The following MCC variants were observed in gnomAD, a reference collection of about 807,000 sequenced individuals.
MCC encodes MCC regulator of Wnt signaling pathway, also known as colorectal mutant cancer protein.
MCC carries 90 observed loss-of-function variants against 116.2 expected under a neutral mutation model. The ratio of observed to expected loss-of-function variants is 0.77; its 90% CI spans 0.65 to 0.92. MCC has a LOEUF of 0.92. Among genes scored for constraint, MCC ranks in the 40% least tolerant of loss-of-function variants. The probability of loss-of-function intolerance (pLI) is 0.00; values close to 1 mark genes in which losing one functional copy is unlikely to be tolerated. For synonymous variants in MCC, 578 were observed against 510.5 expected, an observed-to-expected ratio of 1.13 and a Z score of -1.78; for missense variants, 1,516 against 1,312.2, an observed-to-expected ratio of 1.16 and a Z score of -2.40.
intron 11 of MCC, among the ~76,000 whole-genome samples, chr5:113,072,282 G>T (rs1229255155): frequency 6.6e-6 from 1 of 152,210 alleles, no homozygotes; most frequent in Non-Finnish European, 1.5e-5. Flanking sequence ...GCCAACATGG[G>T]AGACATCTGG....
intron 1 of MCC, among the ~76,000 whole-genome samples, chr5:113,473,540 C>A (rs1281185940): frequency 6.6e-6 from 1 of 151,918 alleles, no homozygotes. Context: ...AAAACAAAAA[C>A]AAAAACAAAA....
intron 3 of MCC, among the ~76,000 whole-genome samples, chr5:113,257,471 C>T (rs774300341): frequency 3.3e-5 from 5 of 152,080 alleles, no homozygotes; most frequent in South Asian, 2.1e-4. Context: ...AGGGAGCAAT[C>T]ATTCAACAGA....
Position 113,333,834 on chromosome 5 carries a change from T to TGTACATATAC in MCC, c.627+6684_627+6685insGTATATGTAC, listed in dbSNP as rs1491246839. 2.9e-4 allele frequency among the ~76,000 whole-genome samples: 26 copies of TGTACATATAC among 90,590 alleles called. 2 individuals carry two copies. Among genetic ancestry groups the TGTACATATAC allele is most frequent in the African/African-American group, 4.0e-4 (10 of 24,744 alleles). 59.4% of individuals were successfully genotyped at this position (90,590 alleles called of 152,430 possible). On this transcript the variant is annotated intron_variant, in intron 3 of 18. Transcript: ENST00000408903. ...GTATATATGTACATATATGTATATA[T>TGTACATATAC]GTATATATGTATATATGTACATATA...
At chr5:113,453,966 C>T (rs573297727) in intron 1 of MCC, among the ~76,000 whole-genome samples, 6 of 152,130 alleles carry the variant, frequency 3.9e-5, no homozygotes, top group East Asian at 1.9e-4. Flanking sequence ...CAAAATTAGC[C>T]GGGTGTGATG....
chr5:113,204,942 G>A (rs1342642487), intron 3 of MCC, among the ~76,000 whole-genome samples: 1 of 152,172 alleles, frequency 6.6e-6, no homozygotes, highest in Non-Finnish European at 1.5e-5. Flanking sequence ...GTGGAACCCT[G>A]CAGTAACTCC....
chr5:113,224,587 G>T (rs1278201564), intron 3 of MCC, among the ~76,000 whole-genome samples: 1 of 152,088 alleles, frequency 6.6e-6, no homozygotes, highest in African/African-American at 2.4e-5. Flanking sequence ...GACTTTAAAG[G>T]CTCCCAGACT....
Position 113,313,505 on chromosome 5 carries a change from G to A in MCC, c.627+27014C>T, listed in dbSNP as rs888430223. ...TGTCATATCTGATAGCGGTGGTTGG[G>A]GAGGAAGGAGGGTTGGAGATATGAT... is the stretch of plus-strand genomic sequence containing the variant. On this transcript the variant is annotated intron_variant, in intron 3 of 18. Coordinates refer to ENST00000408903, the MANE Select transcript of MCC (RefSeq NM_001085377.2). 9.9e-5 allele frequency among the ~76,000 whole-genome samples: 15 copies of A among 152,130 alleles called. 1 individual carries two copies. Among genetic ancestry groups the A allele is most frequent in the African/African-American group, 3.6e-4 (15 of 41,444 alleles).
chr5:113,063,992 G>T lies in MCC; in HGVS notation c.2205C>A (p.Ser735Arg), dbSNP rs758259901. The change falls in exon 14 of 19, where the codon AGC (serine) becomes AGA (arginine). Residue 735 changes from serine to arginine, a missense_variant. By Grantham distance (110) the Ser-to-Arg change is moderately radical. Coordinates refer to ENST00000408903, the MANE Select transcript of MCC (RefSeq NM_001085377.2). The part of the protein sequence containing the change: ...VQPWESLSSN[S>R]HTSTTSSTAS... ...AGAAGGCTGAGCATTACCTGGTGTG[G>T]CTGTTGGAGGAAAGGCTCTCCCAGG... 71 of 1,612,170 alleles carry T rather than the reference G, an allele frequency of 4.4e-5. No individual in the cohort carries two copies. The highest frequency in any genetic ancestry group is 5.8e-5 in the Non-Finnish European group (68 of 1,179,510).
intron 8 of MCC, among the ~76,000 whole-genome samples, chr5:113,095,830 A>T (rs543162746): frequency 6.6e-6 from 1 of 152,142 alleles, no homozygotes; most frequent in Non-Finnish European, 1.5e-5. Context: ...AGAGGAGTTC[A>T]GTCTGCAAAT....
chr5:113,359,273 T>G (rs1395237976), intron 2 of MCC, among the ~76,000 whole-genome samples: 2 of 152,210 alleles, frequency 1.3e-5, no homozygotes, highest in African/African-American at 4.8e-5. Flanking sequence ...ACCCCAAGAC[T>G]GTTGACAGGT....
chr5:113,295,910 A>G (rs1395548407), intron 3 of MCC, among the ~76,000 whole-genome samples: 1 of 152,230 alleles, frequency 6.6e-6, no homozygotes, highest in African/African-American at 2.4e-5. Flanking sequence ...AGAACTTGGC[A>G]TATCCTGAAG....
chr5:113,170,551 C>T (rs114485146), intron 3 of MCC, among the ~76,000 whole-genome samples: 1,694 of 152,024 alleles, frequency 0.011, 31 homozygotes, highest in African/African-American at 0.039. Context: ...TTTACTCTAC[C>T]CACTTCCTAG....
chr5:113,427,345 T>C (rs1770511207), intron 1 of MCC, among the ~76,000 whole-genome samples: 1 of 152,192 alleles, frequency 6.6e-6, no homozygotes, highest in Non-Finnish European at 1.5e-5. Flanking sequence ...CAAACTGCTG[T>C]TGTTTGGGAG....
chr5:113,409,242 T>G (rs1249296097), intron 1 of MCC, among the ~76,000 whole-genome samples: 1 of 152,246 alleles, frequency 6.6e-6, no homozygotes, highest in Non-Finnish European at 1.5e-5. Context: ...GGAAATGTAC[T>G]CTGATTTTCA....
At chr5:113,249,162 A>G (rs574848505) in intron 3 of MCC, among the ~76,000 whole-genome samples, 2 of 127,552 alleles carry the variant, frequency 1.6e-5, no homozygotes, top group Non-Finnish European at 3.4e-5. Flanking sequence ...CTCTCTCTCT[A>G]AACAATTGAT....
chr5:113,295,613 T>C (rs779807596), intron 3 of MCC, among the ~76,000 whole-genome samples: 36 of 151,820 alleles, frequency 2.4e-4, no homozygotes, highest in Non-Finnish European at 7.4e-5. Context: ...GGAGTATGAT[T>C]CAGAAAAGAT....
At chr5:113,414,632 A>G (rs186727174) in intron 1 of MCC, among the ~76,000 whole-genome samples, 9 of 151,946 alleles carry the variant, frequency 5.9e-5, no homozygotes, top group African/African-American at 2.2e-4. Flanking sequence ...ATCTTCCTCC[A>G]TCCCTTTATT....
intron 2 of MCC, among the ~76,000 whole-genome samples, chr5:113,362,309 G>A (rs1383162476): frequency 6.6e-6 from 1 of 152,226 alleles, no homozygotes; most frequent in Non-Finnish European, 1.5e-5. Context: ...TTACAGGCAT[G>A]AGCCACTGCA....
chr5:113,138,590 G>A (rs1186370902), intron 5 of MCC, among the ~76,000 whole-genome samples: 1 of 152,172 alleles, frequency 6.6e-6, no homozygotes, highest in Non-Finnish European at 1.5e-5. Context: ...CCAGCCCCCA[G>A]AACTGTGAGA....
Sources: gnomAD v4.1 joint callset for allele counts (sites outside exome capture counted in the v4.1 genomes callset) on GRCh38, gnomAD v4.1.1 for gene constraint, MANE v1.5 for transcripts, NCBI Gene and HGNC (gene_info 2026-07-23, HGNC 2026-07-21) for gene names.